GBE1: variants seen among roughly 807,000 people sequenced by gnomAD.
The protein encoded by GBE1 is 1,4-alpha-glucan-branching enzyme.
In GBE1, 70 loss-of-function variants were observed where a neutral mutation model predicts 88.8. That is an observed-to-expected ratio of 0.79 (90% CI 0.65 to 0.96). The LOEUF (loss-of-function observed/expected upper bound fraction) is 0.96. Among genes scored for constraint, GBE1 ranks in the 40% least tolerant of loss-of-function variants. The probability of loss-of-function intolerance (pLI) is 0.00; values close to 1 mark genes in which losing one functional copy is unlikely to be tolerated. For missense variants in GBE1, 872 were observed against 871.0 expected, an observed-to-expected ratio of 1.00 and a Z score of -0.01; for synonymous variants, 284 against 300.1, an observed-to-expected ratio of 0.95 and a Z score of 0.56.
At chr3:81,574,579 T>G (rs2106928756) in intron 12 of GBE1, among the ~76,000 whole-genome samples, 1 of 152,314 alleles carries the variant, frequency 6.6e-6, no homozygotes, top group Non-Finnish European at 1.5e-5. Flanking sequence ...TGTGGCTAAC[T>G]AATCTAGATA....
intron 3 of GBE1, among the ~76,000 whole-genome samples, chr3:81,666,247 T>C (rs144764446): frequency 1.6e-3 from 251 of 152,300 alleles, no homozygotes; most frequent in Middle Eastern, 6.8e-3. Context: ...TAAAAACTGA[T>C]GAGCAAGAAT....
At chr3:81,759,155 T>C (rs1393152621) in intron 1 of GBE1, among the ~76,000 whole-genome samples, 1 of 152,186 alleles carries the variant, frequency 6.6e-6, no homozygotes, top group Non-Finnish European at 1.5e-5. Flanking sequence ...CAGGTATGTC[T>C]TTATCAGCAG....
rs199821084 is a variant in GBE1, at chr3:81,591,105, A to C, written c.1168T>G (p.Leu390Val). 7 of 1,609,084 alleles carry C rather than the reference A, an allele frequency of 4.4e-6. No homozygotes were observed. Among genetic ancestry groups the C allele is most frequent in the Non-Finnish European group, 3.4e-6 (4 of 1,177,192 alleles). The change falls in exon 9 of 16, where the codon TTG becomes GTG. Residue 390 changes from leucine to valine, a missense_variant. Leu to Val is a conservative substitution (Grantham distance 32, BLOSUM62 1). Transcript: ENST00000429644. ...YFGLQVDEDA[L>V]TYLMLANHLV... ...TGATTTGCCAACATGAGGTAAGTCA[A>C]GGCATCTTCATCTACTTGTAGTCCG...
chr3:81,653,718 T>C (rs1215200111), intron 3 of GBE1, among the ~76,000 whole-genome samples: 2 of 152,212 alleles, frequency 1.3e-5, no homozygotes, highest in Admixed American at 6.5e-5. Flanking sequence ...TTCTAAGTTA[T>C]ATGAAAGAAT....
At chr3:81,645,234 T>C (rs1032319567) in intron 6 of GBE1, among the ~76,000 whole-genome samples, 2 of 152,178 alleles carry the variant, frequency 1.3e-5, no homozygotes, top group African/African-American at 4.8e-5. Flanking sequence ...AACTAAGTTC[T>C]GATTATTGGG....
intron 1 of GBE1, 42 bp downstream of exon 1, chr3:81,761,333 G>T: frequency 6.4e-7 from 1 of 1,574,048 alleles, no homozygotes; most frequent in Non-Finnish European, 8.7e-7. Flanking sequence ...CCTGGGAGGC[G>T]GGCTGCCTGT....
At chr3:81,636,009 C>G (rs1004962787) in intron 7 of GBE1, among the ~76,000 whole-genome samples, 5 of 152,116 alleles carry the variant, frequency 3.3e-5, no homozygotes, top group African/African-American at 1.2e-4. Flanking sequence ...GCAGATAATA[C>G]CAGGAACAAA....
chr3:81,651,235 T>G (rs1372772742), intron 3 of GBE1, among the ~76,000 whole-genome samples: 1 of 152,194 alleles, frequency 6.6e-6, no homozygotes, highest in East Asian at 1.9e-4. Flanking sequence ...GACCTAAATA[T>G]TAAGTGAGAT....
intron 12 of GBE1, among the ~76,000 whole-genome samples, chr3:81,563,719 A>C (rs2106913381): frequency 6.6e-6 from 1 of 152,238 alleles, no homozygotes. Context: ...GTAATTAAGT[A>C]ATAAATAAGG....
chr3:81,582,769 T>C (rs1397771709), intron 10 of GBE1, among the ~76,000 whole-genome samples: 1 of 151,876 alleles, frequency 6.6e-6, no homozygotes, highest in Non-Finnish European at 1.5e-5. Context: ...TGGGCTTAAA[T>C]ATAAAAAATA....
intron 3 of GBE1, among the ~76,000 whole-genome samples, chr3:81,655,707 G>T (rs555998541): frequency 4.0e-5 from 6 of 151,102 alleles, no homozygotes; most frequent in African/African-American, 1.5e-4. Context: ...TTTAGTAGAG[G>T]CAGGGTTTCA....
chr3:81,678,788 T>G (rs1705297347), intron 2 of GBE1, among the ~76,000 whole-genome samples: 1 of 151,794 alleles, frequency 6.6e-6, no homozygotes, highest in Non-Finnish European at 1.5e-5. Context: ...GAAGAAAAAA[T>G]AAGAAAAGCC....
chr3:81,623,517 G>A (rs1249177201), intron 7 of GBE1, among the ~76,000 whole-genome samples: 1 of 152,174 alleles, frequency 6.6e-6, no homozygotes, highest in Non-Finnish European at 1.5e-5. Context: ...CAAAGTATAG[G>A]GCTGTGAGGG....
At chr3:81,517,349 A>G (rs181025934) in intron 14 of GBE1, among the ~76,000 whole-genome samples, 2 of 151,590 alleles carry the variant, frequency 1.3e-5, no homozygotes, top group East Asian at 3.9e-4. Flanking sequence ...TTTTTTAGAC[A>G]TAAGGCTATT....
intron 11 of GBE1, among the ~76,000 whole-genome samples, chr3:81,578,614 CATTT>C (rs1703681284): frequency 1.3e-5 from 2 of 151,586 alleles, no homozygotes; most frequent in Non-Finnish European, 2.9e-5. Context: ...AAGTTGAGAA[CATTT>C]ATTTAAGTGT....
At chr3:81,539,809 G>A (rs773009585) in intron 12 of GBE1, among the ~76,000 whole-genome samples, 3 of 151,950 alleles carry the variant, frequency 2.0e-5, no homozygotes, top group Non-Finnish European at 4.4e-5. Flanking sequence ...AGAAGATAAT[G>A]AGTTCAATTT....
In GBE1 at chr3:81,613,144, C is replaced by T. The variant is rs778922768; in HGVS notation, c.993-19121G>A. 366 of 311,988 alleles carry T rather than the reference C, an allele frequency of 1.2e-3. 1 individual carries two copies. The highest frequency in any genetic ancestry group is 1.2e-3 in the Non-Finnish European group (218 of 174,704). The allele number at this position is 311,988 out of a possible 1,614,324, so 19.3% of individuals were successfully genotyped here. Reference sequence around the variant, plus strand: ...TTCTCCAGTCCTTGGGAGCAAGCTGCAGTCTTTTTTTTTTTTTTTAATCTT... The same window carrying T: ...TTCTCCAGTCCTTGGGAGCAAGCTGTAGTCTTTTTTTTTTTTTTTAATCTT... On this transcript the variant is annotated intron_variant, in intron 7 of 15. Transcript: ENST00000429644.
At chr3:81,513,937 A>G (rs1358182242) in intron 14 of GBE1, among the ~76,000 whole-genome samples, 1 of 151,674 alleles carries the variant, frequency 6.6e-6, no homozygotes, top group Non-Finnish European at 1.5e-5. Flanking sequence ...GCTCAAGCTA[A>G]CCACTATCCT....
At chr3:81,635,807 A>T (rs1358579601) in intron 7 of GBE1, among the ~76,000 whole-genome samples, 2 of 152,154 alleles carry the variant, frequency 1.3e-5, no homozygotes, top group Non-Finnish European at 2.9e-5. Flanking sequence ...AAAGAAAGAA[A>T]ATAGAGAGAT....
Sources: gnomAD v4.1 joint callset for allele counts (sites outside exome capture counted in the v4.1 genomes callset) on GRCh38, gnomAD v4.1.1 for gene constraint, MANE v1.5 for transcripts, NCBI Gene and HGNC (gene_info 2026-07-23, HGNC 2026-07-21) for gene names.